The following CLIP4 variants were observed in gnomAD, a reference collection of about 807,000 sequenced individuals.
CLIP4 encodes CAP-Gly domain containing linker protein family member 4.
Under a neutral mutation model 73.1 loss-of-function variants are expected in CLIP4, and 47 were observed. The ratio of observed to expected loss-of-function variants is 0.64; its 90% confidence interval spans 0.51 to 0.82. The LOEUF (loss-of-function observed/expected upper bound fraction) is 0.82. CLIP4 is among the 40% of genes least tolerant of loss of function. The probability of loss-of-function intolerance (pLI) is 0.00; values close to 1 mark genes in which losing one functional copy is unlikely to be tolerated. For synonymous variants in CLIP4, 306 were observed against 295.4 expected (o/e 1.04, Z -0.37); for missense variants, 874 against 852.9 (o/e 1.02, Z -0.31).
chr2:29,121,385 G>A lies in CLIP4; in HGVS notation c.-4G>A. The A allele has an allele frequency of 6.2e-7, 1 of 1,602,534 alleles. No homozygotes were observed. The highest frequency in any genetic ancestry group is 8.5e-7 in the Non-Finnish European group (1 of 1,177,020). On this transcript the variant is annotated 5_prime_UTR_variant, in exon 2 of 16. Coordinates refer to ENST00000320081, the MANE Select transcript of CLIP4 (RefSeq NM_024692.6). ...CTTTCTTATTATAGGTGGCTTTCTA[G>A]AAGATGACCATAGAGGACCTTCCAG... is the stretch of plus-strand genomic sequence containing the variant.
chr2:29,140,205 A>G (rs1474070219), intron 6 of CLIP4, among the ~76,000 whole-genome samples: 1 of 152,078 alleles, frequency 6.6e-6, no homozygotes, highest in Non-Finnish European at 1.5e-5. Context: ...CATTAGGTAT[A>G]TCTCCTAAAG....
At chr2:29,104,302 C>A (rs990775355) in intron 1 of CLIP4, among the ~76,000 whole-genome samples, 1 of 151,388 alleles carries the variant, frequency 6.6e-6, no homozygotes, top group Non-Finnish European at 1.5e-5. Context: ...TGTTTTGAGA[C>A]AGGGTCTCTG....
At chr2:29,117,344 G>GT (rs34002777) in intron 1 of CLIP4, among the ~76,000 whole-genome samples, 2,409 of 141,666 alleles carry the variant, frequency 0.017, 33 homozygotes, top group Middle Eastern at 0.029. Context: ...TTTTGTTTTT[G>GT]TTTTTTTTTT....
rs999403229 is a variant in CLIP4 at position 29,160,434 on chromosome 2, A to G, written c.1501A>G (p.Ile501Val). ...AGTGGTAGGACAGAGACTGGGCACC[A>G]TTAGGTTCTTTGGGACAACAAACTT... ...VLVVGQRLGT[I>V]RFFGTTNFAP... The change falls in exon 12 of 16, where the codon ATT becomes GTT. Residue 501 changes from isoleucine to valine, a missense_variant. Ile to Val is a conservative substitution (Grantham distance 29). Transcript: ENST00000320081. 6 of 1,614,068 alleles carry G rather than the reference A, an allele frequency of 3.7e-6. No individual in the cohort carries two copies. In the African/African-American group the frequency reaches 6.7e-5, roughly 18 times the overall value.
intron 6 of CLIP4, among the ~76,000 whole-genome samples, chr2:29,137,513 A>G (rs894397704): frequency 6.6e-6 from 1 of 152,102 alleles, no homozygotes; most frequent in Non-Finnish European, 1.5e-5. Context: ...TGGTAAAATA[A>G]TTTATTTTCC....
At chr2:29,137,749 T>G (rs556161826) in intron 6 of CLIP4, among the ~76,000 whole-genome samples, 51 of 152,182 alleles carry the variant, frequency 3.4e-4, no homozygotes, top group Non-Finnish European at 6.0e-4. Flanking sequence ...TGGTGTTGAT[T>G]AGCATTTCTC....
intron 1 of CLIP4, among the ~76,000 whole-genome samples, chr2:29,099,929 C>T (rs2148428894): frequency 6.6e-6 from 1 of 152,148 alleles, no homozygotes; most frequent in Admixed American, 6.5e-5. Flanking sequence ...ATAACTCTTT[C>T]TCTCTCTCTT....
intron 1 of CLIP4, among the ~76,000 whole-genome samples, chr2:29,107,575 CA>C (rs1434629038): frequency 2.0e-5 from 3 of 151,522 alleles, no homozygotes; most frequent in Non-Finnish European, 4.4e-5. Flanking sequence ...AGGGTTTCAC[CA>C]TGTTGGTCAG....
chr2:29,169,413 TAG>T, intron 14 of CLIP4, among the ~76,000 whole-genome samples: 1 of 151,356 alleles, frequency 6.6e-6, no homozygotes, highest in South Asian at 2.1e-4. Flanking sequence ...CATGTTGGAT[TAG>T]AGCCTATCCA....
At chr2:29,141,080 G>A (rs1665734574) in intron 6 of CLIP4, among the ~76,000 whole-genome samples, 1 of 151,900 alleles carries the variant, frequency 6.6e-6, no homozygotes, top group Non-Finnish European at 1.5e-5. Flanking sequence ...TAATTTCATT[G>A]TTTACCCAAA....
At chr2:29,156,326 C>G in intron 9 of CLIP4, 28 bp from the exon 10 acceptor site, 3 of 1,466,254 alleles carry the variant, frequency 2.0e-6, no homozygotes, top group Non-Finnish European at 2.8e-6. Context: ...AAAATTCTTG[C>G]TTAAAGTGTT....
chr2:29,164,047 G>A (rs1337626278), intron 13 of CLIP4, 93 bp downstream of exon 13: 1 of 1,056,074 alleles, frequency 9.5e-7, no homozygotes, highest in Admixed American at 2.5e-5. Context: ...GATATGCTCT[G>A]ATTGTAGCTC....
At chr2:29,099,889 C>T (rs1273584815) in intron 1 of CLIP4, among the ~76,000 whole-genome samples, 2 of 152,088 alleles carry the variant, frequency 1.3e-5, no homozygotes, top group African/African-American at 2.4e-5. Flanking sequence ...TCCTTATATA[C>T]ATTTTGTACA....
chr2:29,112,499 G>A (rs1222728459), upstream of CLIP4, among the ~76,000 whole-genome samples: 1 of 152,182 alleles, frequency 6.6e-6, no homozygotes, highest in Admixed American at 6.5e-5. Context: ...AAACTTTATT[G>A]TTATTGTGAA....
At chr2:29,118,566 T>G (rs969290630) in intron 1 of CLIP4, among the ~76,000 whole-genome samples, 12 of 151,410 alleles carry the variant, frequency 7.9e-5, no homozygotes, top group Admixed American at 5.9e-4. Context: ...TTGCCCAGGC[T>G]GGACTGCAGT....
chr2:29,176,814 C>T (rs1328149779), intron 15 of CLIP4, among the ~76,000 whole-genome samples: 1 of 152,212 alleles, frequency 6.6e-6, no homozygotes, highest in Non-Finnish European at 1.5e-5. Flanking sequence ...TGGGTCCTGT[C>T]TGTAGAATCT....
At chr2:29,140,267 C>T (rs1341771708) in intron 6 of CLIP4, among the ~76,000 whole-genome samples, 1 of 151,960 alleles carries the variant, frequency 6.6e-6, no homozygotes, top group African/African-American at 2.4e-5. Context: ...GTGTGATGTT[C>T]CCCTTCCTGT....
At chr2:29,120,215 T>A (rs1358041664) in intron 1 of CLIP4, among the ~76,000 whole-genome samples, 1 of 152,186 alleles carries the variant, frequency 6.6e-6, no homozygotes, top group Admixed American at 6.5e-5. Context: ...CTGGATTAGG[T>A]TACCTAATAT....
In CLIP4 at chr2:29,143,856, C is replaced by A; in HGVS notation, c.796C>A (p.Leu266Ile). The change falls in exon 7 of 16, where the codon CTC (leucine) becomes ATC (isoleucine). Residue 266 changes from leucine to isoleucine, a missense_variant. Leu to Ile is a conservative substitution (Grantham distance 5). Transcript: ENST00000320081. ...GTCATGTAACATCTCAAAGGCCATG[C>A]TCCCAAATTATGATCATGTCACTGG... is the stretch of plus-strand genomic sequence containing the variant. ...PLSCNISKAM[L>I]PNYDHVTGKA... is the part of the protein sequence containing the mutation. 1 of 1,614,170 alleles carries A rather than the reference C, an allele frequency of 6.2e-7. No homozygotes were observed. Among genetic ancestry groups the A allele is most frequent in the Non-Finnish European group, 8.5e-7 (1 of 1,180,016 alleles).
Sources: gnomAD v4.1 joint callset for allele counts (sites outside exome capture counted in the v4.1 genomes callset) on GRCh38, gnomAD v4.1.1 for gene constraint, MANE v1.5 for transcripts, NCBI Gene and HGNC (gene_info 2026-07-23, HGNC 2026-07-21) for gene names.